The following DIP2B variants were observed in gnomAD, a reference collection of about 807,000 sequenced individuals.
DIP2B encodes the protein DIP2 acetate--CoA ligase B (putative).
A neutral mutation model predicts 198.0 loss-of-function variants in DIP2B; 76 were observed. That is an observed-to-expected ratio of 0.38 (90% CI 0.32 to 0.46). DIP2B has a LOEUF of 0.46. DIP2B is among the 20% of genes least tolerant of loss of function. The probability of loss-of-function intolerance (pLI) is 0.99; values close to 1 mark genes in which losing one functional copy is unlikely to be tolerated. For synonymous variants in DIP2B, 701 were observed against 739.1 expected, an observed-to-expected ratio of 0.95 and a Z score of 0.84; for missense variants, 1,559 against 1,978.4, an observed-to-expected ratio of 0.79 and a Z score of 4.02.
At chr12:50,607,220 C>T (rs80101097) in intron 1 of DIP2B, among the ~76,000 whole-genome samples, 9,759 of 151,644 alleles carry the variant, frequency 0.064, 735 homozygotes, top group East Asian at 0.36. Flanking sequence ...GGGAGCTTTG[C>T]GTAGATTATC....
intron 1 of DIP2B, among the ~76,000 whole-genome samples, chr12:50,584,530 G>C (rs1958753282): frequency 6.6e-6 from 1 of 152,168 alleles, no homozygotes; most frequent in Admixed American, 6.6e-5. Flanking sequence ...ACAGCAGGCA[G>C]AGTGTTCTAT....
chr12:50,532,492 C>T (rs894997818), intron 1 of DIP2B, among the ~76,000 whole-genome samples: 2 of 151,894 alleles, frequency 1.3e-5, no homozygotes, highest in African/African-American at 2.4e-5. Context: ...CCAGCCTGGG[C>T]GACAGAGCCA....
intron 17 of DIP2B, among the ~76,000 whole-genome samples, chr12:50,697,533 CTT>C (rs11306905): frequency 1.5e-3 from 71 of 45,942 alleles, no homozygotes; most frequent in African/African-American, 4.6e-3. Flanking sequence ...TATAGATATA[CTT>C]TTTTTTTTTT....
At chr12:50,648,955 A>G (rs1439945923) in intron 3 of DIP2B, among the ~76,000 whole-genome samples, 2 of 152,228 alleles carry the variant, frequency 1.3e-5, no homozygotes, top group Non-Finnish European at 2.9e-5. Flanking sequence ...CAACCTTAAC[A>G]TATGCAAATA....
chr12:50,533,420 A>C (rs1958235619), intron 1 of DIP2B, among the ~76,000 whole-genome samples: 1 of 152,044 alleles, frequency 6.6e-6, no homozygotes, highest in African/African-American at 2.4e-5. Context: ...GTGTAGGGTG[A>C]GGGTAGCGTC....
At chr12:50,628,648 A>T (rs2700480) in intron 2 of DIP2B, among the ~76,000 whole-genome samples, 41,725 of 152,050 alleles carry the variant, frequency 0.27, 6,457 homozygotes, top group Non-Finnish European at 0.35. Flanking sequence ...CTGTCTATTT[A>T]AAAAAGAATC....
chr12:50,590,179 T>C (rs1958806934), intron 1 of DIP2B, among the ~76,000 whole-genome samples: 1 of 151,562 alleles, frequency 6.6e-6, no homozygotes, highest in African/African-American at 2.4e-5. Context: ...TTTAATTTTA[T>C]GTAGAGGTGG....
intron 1 of DIP2B, among the ~76,000 whole-genome samples, chr12:50,583,649 G>T (rs1958744853): frequency 1.3e-5 from 2 of 152,162 alleles, no homozygotes; most frequent in Admixed American, 1.3e-4. Flanking sequence ...ACTGTAAATT[G>T]AAAACACACT....
chr12:50,557,857 A>C (rs1363949205), intron 1 of DIP2B, among the ~76,000 whole-genome samples: 1 of 152,308 alleles, frequency 6.6e-6, no homozygotes, highest in Admixed American at 6.5e-5. Flanking sequence ...TTCCAGAACA[A>C]GGAAAAATGC....
intron 1 of DIP2B, 117 bp from the exon 2 acceptor site, chr12:50,625,859 C>A (rs200654484): frequency 5.8e-6 from 6 of 1,037,500 alleles, no homozygotes; most frequent in East Asian, 2.4e-5. Context: ...TTCCCCCCCC[C>A]AACCCCCTGC....
intron 4 of DIP2B, among the ~76,000 whole-genome samples, chr12:50,665,516 G>T (rs1388767021): frequency 6.6e-6 from 1 of 152,156 alleles, no homozygotes; most frequent in African/African-American, 2.4e-5. Context: ...GCTGAGGCCC[G>T]AGGATCCTTT....
intron 1 of DIP2B, among the ~76,000 whole-genome samples, chr12:50,615,927 T>G (rs1471612060): frequency 6.6e-6 from 1 of 152,232 alleles, no homozygotes; most frequent in Non-Finnish European, 1.5e-5. Flanking sequence ...ACACCTCAGG[T>G]CATTTGTAGA....
chr12:50,653,445 C>T (rs1180633275), intron 3 of DIP2B, among the ~76,000 whole-genome samples: 3 of 150,630 alleles, frequency 2.0e-5, no homozygotes, highest in East Asian at 3.9e-4. Flanking sequence ...ACCTCAACCC[C>T]GCCCCTACCC....
intron 25 of DIP2B, among the ~76,000 whole-genome samples, chr12:50,720,377 A>G (rs1277884498): frequency 6.6e-6 from 1 of 151,692 alleles, no homozygotes; most frequent in Non-Finnish European, 1.5e-5. Flanking sequence ...TGGATCTCTT[A>G]GGGGACTTAT....
At chr12:50,589,442 G>A (rs755121164) in intron 1 of DIP2B, among the ~76,000 whole-genome samples, 4 of 151,834 alleles carry the variant, frequency 2.6e-5, no homozygotes, top group Non-Finnish European at 4.4e-5. Flanking sequence ...GCGTCCCAAA[G>A]TGCTGGGGTT....
chr12:50,524,495 C>T (rs2139356036), intron 1 of DIP2B, among the ~76,000 whole-genome samples: 1 of 152,156 alleles, frequency 6.6e-6, no homozygotes, highest in South Asian at 2.1e-4. Flanking sequence ...TTTCTCTTTT[C>T]CTTCCTCCCT....
At chr12:50,567,972 A>G (rs1958580583) in intron 1 of DIP2B, among the ~76,000 whole-genome samples, 2 of 152,162 alleles carry the variant, frequency 1.3e-5, no homozygotes, top group African/African-American at 4.8e-5. Context: ...TGAATATTAC[A>G]TTGTGAGACT....
chr12:50,686,489 C>G (rs767536827), intron 11 of DIP2B, 84 bp from the exon 12 acceptor site: 5 of 1,176,478 alleles, frequency 4.2e-6, no homozygotes, highest in Non-Finnish European at 6.1e-6. Flanking sequence ...AATTTGGTCT[C>G]TTGATATTTA....
chr12:50,630,561 T>TA (rs1162410917), intron 2 of DIP2B, among the ~76,000 whole-genome samples: 5 of 152,182 alleles, frequency 3.3e-5, no homozygotes, highest in South Asian at 2.1e-4. Context: ...CCTAAGGCTT[T>TA]AAAAAACAAA....
Sources: allele counts gnomAD v4.1 joint callset (sites outside exome capture counted in the v4.1 genomes callset), GRCh38; gene constraint gnomAD v4.1.1; transcripts MANE v1.5; gene names NCBI Gene and HGNC (gene_info 2026-07-23, HGNC 2026-07-21).